PPT1: variants seen among roughly 807,000 people sequenced by gnomAD.
The protein encoded by PPT1 is ceroid-palmitoyl-palmitoyl-protein thioesterase 1.
In PPT1, 24 loss-of-function variants were observed where a neutral mutation model predicts 44.0. The ratio of observed to expected loss-of-function variants is 0.54; its 90% CI spans 0.39 to 0.77. The LOEUF is 0.77. Among genes scored for constraint, PPT1 ranks in the 30% least tolerant of loss-of-function variants. The pLI is 0.00. For missense variants in PPT1, 341 were observed against 378.8 expected, an observed-to-expected ratio of 0.90 and a Z score of 0.83; for synonymous variants, 148 against 140.2, an observed-to-expected ratio of 1.06 and a Z score of -0.39.
intron 5 of PPT1, among the ~76,000 whole-genome samples, chr1:40,083,869 A>G (rs1649115988): frequency 6.6e-6 from 1 of 152,122 alleles, no homozygotes; most frequent in Admixed American, 6.5e-5. Flanking sequence ...AACATAAATG[A>G]GATCCTATCT....
intron 7 of PPT1, among the ~76,000 whole-genome samples, chr1:40,077,616 G>A (rs549906978): frequency 3.0e-4 from 46 of 152,306 alleles, no homozygotes; most frequent in African/African-American, 1.1e-3. Flanking sequence ...GGGCCTGTGG[G>A]CCACAATCGG....
At chr1:40,076,191 G>A (rs751442886) in intron 8 of PPT1, among the ~76,000 whole-genome samples, 20 of 151,912 alleles carry the variant, frequency 1.3e-4, no homozygotes, top group African/African-American at 4.3e-4. Flanking sequence ...TTGGCCAGGC[G>A]CACTGGCTCA....
downstream of PPT1, chr1:40,072,043 C>T (rs559313068): frequency 2.5e-6 from 1 of 403,236 alleles, no homozygotes; most frequent in African/African-American, 2.1e-5. Context: ...TGAGGCTTGG[C>T]CATCTAGCAT....
intron 1 of PPT1, chr1:40,093,991 G>A (rs751669122): frequency 2.1e-5 from 15 of 715,994 alleles, no homozygotes; most frequent in Non-Finnish European, 3.6e-5. Context: ...CCAAGAGTTC[G>A]AGACCAGTTT....
intron 3 of PPT1, among the ~76,000 whole-genome samples, chr1:40,091,828 G>A (rs1398727567): frequency 1.3e-5 from 2 of 148,966 alleles, no homozygotes; most frequent in South Asian, 4.2e-4. Context: ...TCGCGCCACT[G>A]CACTCCAGCC....
chr1:40,092,228 T>A, intron 2 of PPT1, 56 bp from the exon 3 acceptor site: 1 of 1,609,842 alleles, frequency 6.2e-7, no homozygotes, highest in South Asian at 1.1e-5. Flanking sequence ...ACCACTGACA[T>A]CTTCTCTAAG....
chr1:40,078,752 G>T (rs1648766267), intron 6 of PPT1, 94 bp from the exon 7 acceptor site: 1 of 1,064,990 alleles, frequency 9.4e-7, no homozygotes, highest in Admixed American at 1.9e-5. Context: ...CTGACCCTGT[G>T]CCACTGTGTT....
intron 1 of PPT1, among the ~76,000 whole-genome samples, chr1:40,094,299 G>T (rs1649728854): frequency 6.6e-6 from 1 of 152,126 alleles, no homozygotes; most frequent in Admixed American, 6.5e-5. Context: ...ATTCTCATAA[G>T]GAGCACCCAA....
chr1:40,086,687 A>G (rs1352172378), intron 5 of PPT1, among the ~76,000 whole-genome samples: 4 of 152,020 alleles, frequency 2.6e-5, no homozygotes, highest in Non-Finnish European at 4.4e-5. Flanking sequence ...GACTGAGACA[A>G]TCTCCTAACA....
At position 40,080,364 on chromosome 1, in the gene PPT1, G is replaced by A. The variant is rs777556301; in HGVS notation, c.627+33C>T. 6.9e-6 allele frequency: 11 copies of A among 1,584,212 alleles called. No individual in the cohort carries two copies. The Middle Eastern group carries it at 5.0e-4, about 72-fold the overall frequency. On this transcript the variant is annotated intron_variant, in intron 6 of 8. Transcript: ENST00000642050. ...TGAAGACCTAAACAGGAAAAAGAACGCACATCTATGGGAGCCCGGTTTGGG... is the reference window on the plus strand; with the variant it reads ...TGAAGACCTAAACAGGAAAAAGAACACACATCTATGGGAGCCCGGTTTGGG...
At chr1:40,096,948 C>T (rs41311148) in intron 1 of PPT1, 167 bp downstream of exon 1, 2 of 1,263,272 alleles carry the variant, frequency 1.6e-6, no homozygotes, top group Non-Finnish European at 2.3e-6. Flanking sequence ...GGGACGGCTC[C>T]TTCCCCTTCT....
In PPT1 at chr1:40,073,944, T is replaced by C; in HGVS notation, c.*117A>G. The C allele has an allele frequency of 3.0e-6, 4 of 1,349,358 alleles. No individual in the cohort carries two copies. Among genetic ancestry groups the C allele is most frequent in the East Asian group, 2.3e-5 (1 of 43,522 alleles). 83.6% of individuals were successfully genotyped at this position (1,349,358 alleles called of 1,614,324 possible). ...TTTCCAAGTAGGGCATGTTAGATGA[T>C]AGAAGGATTAGTTGCAAGCTGGATC... On this transcript the variant is annotated 3_prime_UTR_variant, in exon 9 of 9. Coordinates refer to ENST00000642050, the MANE Select transcript of PPT1 (RefSeq NM_000310.4).
At chr1:40,084,458 A>C (rs1649149159) in intron 5 of PPT1, among the ~76,000 whole-genome samples, 2 of 152,220 alleles carry the variant, frequency 1.3e-5, no homozygotes, top group Non-Finnish European at 2.9e-5. Context: ...TATTGTGGCC[A>C]AAATGCTACC....
At position 40,097,210 on chromosome 1, in the gene PPT1, A is replaced by T. The variant is rs137852699; in HGVS notation, c.29T>A (p.Leu10Ter). 8.9e-5 allele frequency: 144 copies of T among 1,613,882 alleles called. No individual in the cohort carries two copies. Among genetic ancestry groups the T allele is most frequent in the Non-Finnish European group, 1.2e-4 (138 of 1,179,932 alleles). The change falls in exon 1 of 9, where the codon TTG (leucine) becomes TAG (stop). Residue 10 changes from leucine (L) to a stop codon, truncating the protein, a stop_gained. Transcript: ENST00000642050. LOFTEE classifies it high-confidence loss of function. MASPGCLWLLAVALLPWTCA... is the reference protein window; with the variant it reads MASPGCLWL The stretch of plus-strand genomic sequence containing the variant: ...GGTCCATGGCAGGAGAGCCACAGCC[A>T]AGAGCCACAGGCAGCCGGGCGACGC...
intron 6 of PPT1, 91 bp from the exon 7 acceptor site, chr1:40,078,749 T>A: frequency 9.4e-7 from 1 of 1,063,282 alleles, no homozygotes; most frequent in Non-Finnish European, 1.4e-6. Flanking sequence ...TCCCTGACCC[T>A]GTGCCACTGT....
At chr1:40,089,297 A>AAAAAAAAAAAAAAAAATT (rs1649428086) in intron 5 of PPT1, 113 bp downstream of exon 5, 1 of 616,452 alleles carries the variant, frequency 1.6e-6, no homozygotes, top group Non-Finnish European at 2.9e-6. Context: ...AAAAAAAAAG[A>AAAAAAAAAAAAAAAAATT]TCTCATTTGA....
Position 40,097,149 on chromosome 1 carries a change from C to T in PPT1, c.90G>A (p.Pro30=), listed in dbSNP as rs753814720. The T allele has an allele frequency of 3.7e-6, 6 of 1,614,132 alleles. No individual in the cohort carries two copies. Among genetic ancestry groups the T allele is most frequent in the Non-Finnish European group, 5.1e-6 (6 of 1,179,984 alleles). ...GCCAGATCACCAACGGCAGCGGCGC[C>T]GGCGGGTCCAGATGCTGCAGCGCCC... is the stretch of plus-strand genomic sequence containing the variant. ...ASRALQHLDP[P]APLPLVIWHG... Residue 30 remains proline, a synonymous_variant, in exon 1 of 9, where the codon CCG becomes CCA. Transcript: ENST00000642050.
At chr1:40,079,606 G>A (rs1332751299) in intron 6 of PPT1, among the ~76,000 whole-genome samples, 10 of 152,184 alleles carry the variant, frequency 6.6e-5, no homozygotes, top group Admixed American at 6.5e-4. Context: ...ATGCTGGCCA[G>A]GCTGGTCTCG....
chr1:40,090,331 A>G (rs1273667786), intron 4 of PPT1, among the ~76,000 whole-genome samples: 1 of 151,192 alleles, frequency 6.6e-6, no homozygotes, highest in Non-Finnish European at 1.5e-5. Flanking sequence ...CCTCCATTTT[A>G]TCGTGTATAT....
Sources: gnomAD v4.1 joint callset for allele counts (sites outside exome capture counted in the v4.1 genomes callset) on GRCh38, gnomAD v4.1.1 for gene constraint, MANE v1.5 for transcripts, NCBI Gene and HGNC (gene_info 2026-07-23, HGNC 2026-07-21) for gene names.